The following NAALADL2 variants were observed in gnomAD, a reference collection of about 807,000 sequenced individuals.
NAALADL2 encodes the protein inactive N-acetylated-alpha-linked acidic dipeptidase-like protein 2.
NAALADL2 carries 76 observed loss-of-function variants against 87.2 expected under a neutral mutation model. That is an observed-to-expected ratio of 0.87 (90% CI 0.72 to 1.05). NAALADL2 has a LOEUF of 1.05. Ranked by LOEUF, NAALADL2 falls within the 50% of genes least tolerant of loss-of-function variation. NAALADL2 has a pLI of 0.00. For synonymous variants in NAALADL2, 354 were observed against 331.0 expected (o/e 1.07, Z -0.75); for missense variants, 1,089 against 945.8 (o/e 1.15, Z -1.99).
At chr3:175,096,734 T>A in intron 1 of NAALADL2, 56 bp from the exon 2 acceptor site, 1 of 1,186,166 alleles carries the variant, frequency 8.4e-7, no homozygotes, top group Non-Finnish European at 1.1e-6. Context: ...TTCACTTTGT[T>A]AGTTTTTTTA....
intron 4 of NAALADL2, among the ~76,000 whole-genome samples, chr3:175,277,849 C>T (rs1263308723): frequency 6.6e-6 from 1 of 152,170 alleles, no homozygotes; most frequent in Admixed American, 6.5e-5. Context: ...TCTTCTTTTA[C>T]TACTCAAATT....
chr3:175,458,567 A>G (rs1698047495), intron 6 of NAALADL2, among the ~76,000 whole-genome samples: 1 of 148,006 alleles, frequency 6.8e-6, no homozygotes, highest in Admixed American at 6.8e-5. Flanking sequence ...TAAATTTTAT[A>G]ATTTATAAAT....
In NAALADL2 at chr3:174,785,681, C is replaced by T. The variant is rs985336999; in HGVS notation, c.-9+47935C>T. On this transcript the variant is annotated intron_variant, in intron 3 of 3. Transcript: ENST00000434257. ...GTTGTGTTGCTACATTTCAATTGAG[C>T]GGACATTAAGATGTAGGCTTTAAAA... Among the ~76,000 whole-genome samples the T allele has an allele frequency of 7.2e-5, 11 of 152,092 alleles. No homozygotes were observed. In the East Asian group the frequency reaches 7.7e-4, roughly 11 times the overall value.
chr3:174,952,851 C>A (rs577441348), intron 1 of NAALADL2, among the ~76,000 whole-genome samples: 1 of 152,192 alleles, frequency 6.6e-6, no homozygotes, highest in Non-Finnish European at 1.5e-5. Flanking sequence ...ACTGTCCCTG[C>A]ATTTACACTT....
At chr3:174,485,090 A>G (rs1717771273) in intron 1 of NAALADL2, among the ~76,000 whole-genome samples, 1 of 152,046 alleles carries the variant, frequency 6.6e-6, no homozygotes, top group Admixed American at 6.6e-5. Flanking sequence ...TTGGCCTTCC[A>G]TAGCCACAGG....
intron 10 of NAALADL2, among the ~76,000 whole-genome samples, chr3:175,590,194 A>T (rs1721191241): frequency 1.3e-5 from 1 of 79,408 alleles, no homozygotes; most frequent in Non-Finnish European, 2.8e-5. Flanking sequence ...CCTGGGCGAC[A>T]GAGCGAGACT....
chr3:175,091,641 T>C (rs1379151782), intron 1 of NAALADL2, among the ~76,000 whole-genome samples: 1 of 152,040 alleles, frequency 6.6e-6, no homozygotes, highest in Non-Finnish European at 1.5e-5. Context: ...ATAAACATGG[T>C]GTTCTACAAC....
intron 1 of NAALADL2, among the ~76,000 whole-genome samples, chr3:174,898,887 C>T (rs1401775638): frequency 2.6e-5 from 4 of 152,136 alleles, no homozygotes; most frequent in Admixed American, 2.6e-4. Flanking sequence ...ATGGGCTTCC[C>T]TGGTACTGAC....
chr3:174,827,130 A>T (rs1722084580), intron 3 of NAALADL2, among the ~76,000 whole-genome samples: 1 of 151,954 alleles, frequency 6.6e-6, no homozygotes, highest in African/African-American at 2.4e-5. Flanking sequence ...TTTTCTTCTC[A>T]CTCACTTTTT....
chr3:174,776,404 C>G (rs940277280), intron 3 of NAALADL2, among the ~76,000 whole-genome samples: 1 of 152,082 alleles, frequency 6.6e-6, no homozygotes, highest in Non-Finnish European at 1.5e-5. Flanking sequence ...ACTTTACAGA[C>G]TCACAATTCT....
chr3:175,327,097 A>G (rs1359770258), intron 5 of NAALADL2, among the ~76,000 whole-genome samples: 1 of 152,026 alleles, frequency 6.6e-6, no homozygotes, highest in Non-Finnish European at 1.5e-5. Context: ...AACACAGTCA[A>G]ATAATGAACA....
chr3:175,526,614 G>A (rs1309329210), intron 9 of NAALADL2, among the ~76,000 whole-genome samples: 1 of 152,014 alleles, frequency 6.6e-6, no homozygotes, highest in Non-Finnish European at 1.5e-5. Flanking sequence ...TATTAAAATG[G>A]GAGGTTTGTT....
intron 2 of NAALADL2, among the ~76,000 whole-genome samples, chr3:174,607,643 A>G (rs1002054007): frequency 3.3e-5 from 5 of 152,106 alleles, no homozygotes; most frequent in Non-Finnish European, 5.9e-5. Context: ...TGCACCCAAT[A>G]CAGGAGCACC....
At chr3:175,087,443 G>A (rs570244093) in intron 1 of NAALADL2, among the ~76,000 whole-genome samples, 2 of 152,290 alleles carry the variant, frequency 1.3e-5, no homozygotes, top group South Asian at 2.1e-4. Context: ...CCATGATGAC[G>A]ATGGCGGTTT....
chr3:175,571,596 G>C (rs1202237460), intron 9 of NAALADL2, among the ~76,000 whole-genome samples: 2 of 152,114 alleles, frequency 1.3e-5, no homozygotes, highest in Admixed American at 1.3e-4. Context: ...ACATGGATCT[G>C]TTATAATCCA....
intron 2 of NAALADL2, among the ~76,000 whole-genome samples, chr3:174,610,009 G>A (rs539288379): frequency 2.6e-4 from 39 of 152,096 alleles, no homozygotes; most frequent in East Asian, 9.7e-4. Flanking sequence ...AAATAATGCC[G>A]TATATCTACA....
At chr3:174,461,847 G>A (rs1447939715) in intron 1 of NAALADL2, among the ~76,000 whole-genome samples, 2 of 152,012 alleles carry the variant, frequency 1.3e-5, no homozygotes, top group Admixed American at 6.5e-5. Flanking sequence ...GTGTATGCAT[G>A]TGAATGTGTG....
chr3:174,865,194 A>G (rs1401900139), intron 1 of NAALADL2, among the ~76,000 whole-genome samples: 1 of 152,074 alleles, frequency 6.6e-6, no homozygotes, highest in South Asian at 2.1e-4. Flanking sequence ...TGTCCAAAAA[A>G]AAATAATAAA....
chr3:175,137,176 G>GA (rs946876559), intron 2 of NAALADL2, among the ~76,000 whole-genome samples: 1 of 151,848 alleles, frequency 6.6e-6, no homozygotes, highest in Non-Finnish European at 1.5e-5. Flanking sequence ...TCCCACTATG[G>GA]AAAAATTGAA....
Sources: gnomAD v4.1 joint callset for allele counts (sites outside exome capture counted in the v4.1 genomes callset) on GRCh38, gnomAD v4.1.1 for gene constraint, MANE v1.5 for transcripts, NCBI Gene and HGNC (gene_info 2026-07-23, HGNC 2026-07-21) for gene names.